The following FARS2 variants were observed in gnomAD, a reference collection of about 807,000 sequenced individuals.
FARS2 encodes phenylalanine--tRNA ligase, mitochondrial.
In FARS2, 40 loss-of-function variants were observed where a neutral mutation model predicts 46.4. That is an observed-to-expected ratio of 0.86 (90% CI 0.67 to 1.12). The LOEUF is 1.12. FARS2 is among the 50% of genes most tolerant of loss of function. The probability of loss-of-function intolerance (pLI) is 0.00; values close to 1 mark genes in which losing one functional copy is unlikely to be tolerated. For synonymous variants in FARS2, 234 were observed against 214.9 expected (o/e 1.09, Z -0.78); for missense variants, 513 against 567.9 (o/e 0.90, Z 0.98).
intron 3 of FARS2, among the ~76,000 whole-genome samples, chr6:5,419,852 G>A (rs1390559304): frequency 6.6e-6 from 1 of 152,104 alleles, no homozygotes; most frequent in African/African-American, 2.4e-5. Flanking sequence ...GCAGGCTCCT[G>A]GTTCTTCTTG....
At chr6:5,619,407 C>T (rs1775646805) in intron 6 of FARS2, among the ~76,000 whole-genome samples, 1 of 152,124 alleles carries the variant, frequency 6.6e-6, no homozygotes, top group Non-Finnish European at 1.5e-5. Flanking sequence ...TAGACTCACT[C>T]CTTGTTCCGG....
At chr6:5,297,540 C>T (rs1021067846) in intron 1 of FARS2, among the ~76,000 whole-genome samples, 4 of 151,828 alleles carry the variant, frequency 2.6e-5, no homozygotes, top group Non-Finnish European at 4.4e-5. Context: ...CCCAGCTACT[C>T]GGGAGGCTGA....
chr6:5,494,345 C>G (rs954074257), intron 4 of FARS2, among the ~76,000 whole-genome samples: 1 of 152,162 alleles, frequency 6.6e-6, no homozygotes, highest in Non-Finnish European at 1.5e-5. Context: ...AGGCGGAGAA[C>G]GCTCAGGAGG....
intron 5 of FARS2, among the ~76,000 whole-genome samples, chr6:5,580,367 C>A (rs543500516): frequency 1.3e-5 from 2 of 150,944 alleles, no homozygotes; most frequent in East Asian, 3.9e-4. Flanking sequence ...GAGTTTAAGA[C>A]GGTTTGATTC....
At chr6:5,348,202 C>T (rs879638193) in intron 1 of FARS2, among the ~76,000 whole-genome samples, 18 of 152,158 alleles carry the variant, frequency 1.2e-4, no homozygotes, top group African/African-American at 1.7e-4. Context: ...TTTTCTTTCA[C>T]GATTACTGCT....
chr6:5,676,360 A>T (rs928992629), intron 6 of FARS2, among the ~76,000 whole-genome samples: 3 of 152,240 alleles, frequency 2.0e-5, no homozygotes, highest in Non-Finnish European at 4.4e-5. Flanking sequence ...AAATACAAAC[A>T]GTACACATAT....
At chr6:5,429,398 G>A (rs981641031) in intron 3 of FARS2, among the ~76,000 whole-genome samples, 1 of 152,182 alleles carries the variant, frequency 6.6e-6, no homozygotes, top group Non-Finnish European at 1.5e-5. Context: ...CTTCTCCTGT[G>A]GAATCTGGGC....
chr6:5,433,709 T>C (rs1763362372), intron 4 of FARS2, among the ~76,000 whole-genome samples: 2 of 152,256 alleles, frequency 1.3e-5, no homozygotes, highest in Admixed American at 1.3e-4. Context: ...TTGATAGTTT[T>C]GTTTTTTAGA....
At chr6:5,522,244 A>G (rs958123088) in intron 4 of FARS2, among the ~76,000 whole-genome samples, 1 of 152,196 alleles carries the variant, frequency 6.6e-6, no homozygotes, top group Non-Finnish European at 1.5e-5. Context: ...AGGGTCTCCC[A>G]AGCCCAGACC....
chr6:5,265,858 C>T (rs996240983), intron 1 of FARS2, among the ~76,000 whole-genome samples: 18 of 152,180 alleles, frequency 1.2e-4, no homozygotes, highest in African/African-American at 4.3e-4. Flanking sequence ...GAGGTCACTT[C>T]ATCCCTGATG....
At chr6:5,459,971 C>G (rs775941183) in intron 4 of FARS2, among the ~76,000 whole-genome samples, 12 of 152,194 alleles carry the variant, frequency 7.9e-5, no homozygotes, top group Non-Finnish European at 1.3e-4. Flanking sequence ...CATGTCTTCC[C>G]TACCCTAACA....
At chr6:5,528,197 G>A (rs1053026061) in intron 4 of FARS2, among the ~76,000 whole-genome samples, 17 of 150,750 alleles carry the variant, frequency 1.1e-4, no homozygotes, top group Admixed American at 2.0e-4. Flanking sequence ...TTTAAAATTT[G>A]TATTTAAAAA....
intron 6 of FARS2, among the ~76,000 whole-genome samples, chr6:5,754,887 A>G (rs1762128766): frequency 6.6e-6 from 1 of 152,214 alleles, no homozygotes; most frequent in Non-Finnish European, 1.5e-5. Flanking sequence ...TTTTTTAAAA[A>G]TTAACCCCAT....
chr6:5,295,801 C>T (rs145023094), intron 1 of FARS2, among the ~76,000 whole-genome samples: 3 of 152,144 alleles, frequency 2.0e-5, no homozygotes, highest in East Asian at 3.9e-4. Flanking sequence ...TAAATGAAGG[C>T]GTGTTTATTT....
At chr6:5,426,245 T>C (rs991594151) in intron 3 of FARS2, among the ~76,000 whole-genome samples, 1 of 152,230 alleles carries the variant, frequency 6.6e-6, no homozygotes. Context: ...TTAATTTTCC[T>C]CTATAGCCCC....
chr6:5,468,266 G>A (rs1216780946), intron 4 of FARS2, among the ~76,000 whole-genome samples: 2 of 151,506 alleles, frequency 1.3e-5, no homozygotes, highest in African/African-American at 2.4e-5. Context: ...TTGCCAAACC[G>A]TGAAAGATTA....
At chr6:5,648,247 C>T (rs1777173402) in intron 6 of FARS2, among the ~76,000 whole-genome samples, 2 of 152,234 alleles carry the variant, frequency 1.3e-5, no homozygotes, top group Admixed American at 6.5e-5. Flanking sequence ...GCCAGCCGGC[C>T]TCCTTTGCCC....
chr6:5,760,730 C>A (rs971620080), intron 6 of FARS2, among the ~76,000 whole-genome samples: 10 of 152,248 alleles, frequency 6.6e-5, no homozygotes, highest in African/African-American at 2.4e-4. Flanking sequence ...TCTGTGCAGG[C>A]TCACAATTCT....
chr6:5,484,738 C>T (rs1022033463), intron 4 of FARS2, among the ~76,000 whole-genome samples: 15 of 152,314 alleles, frequency 9.8e-5, no homozygotes, highest in Non-Finnish European at 7.4e-5. Context: ...ACAGGAGTGG[C>T]CTGGAGGGTG....
Sources: allele counts gnomAD v4.1 joint callset (sites outside exome capture counted in the v4.1 genomes callset), GRCh38; gene constraint gnomAD v4.1.1; transcripts MANE v1.5; gene names NCBI Gene and HGNC (gene_info 2026-07-23, HGNC 2026-07-21).